RIMS1: variants seen among roughly 807,000 people sequenced by gnomAD.
The protein encoded by RIMS1 is regulating synaptic membrane exocytosis protein 1.
In RIMS1, 83 loss-of-function variants were observed where a neutral mutation model predicts 214.1. The observed-to-expected ratio is 0.39, with a 90% CI of 0.32 to 0.47. The LOEUF is 0.47. RIMS1 is among the 20% of genes least tolerant of loss of function. RIMS1 has a pLI of 0.99. For synonymous variants in RIMS1, 793 were observed against 786.8 expected (o/e 1.01, Z -0.13); for missense variants, 2,050 against 2,161.8 (o/e 0.95, Z 1.03).
chr6:72,374,762 C>T (rs939127807), intron 29 of RIMS1, among the ~76,000 whole-genome samples: 13 of 152,082 alleles, frequency 8.5e-5, no homozygotes, highest in Non-Finnish European at 1.6e-4. Flanking sequence ...TTATTATGCC[C>T]TTTATTTCTA....
At position 72,265,430 on chromosome 6, in the gene RIMS1, A is replaced by G. The variant is rs1439060096; in HGVS notation, c.3235A>G (p.Arg1079Gly). 6.2e-7 allele frequency: 1 copy of G among 1,610,168 alleles called. No individual in the cohort carries two copies. Among genetic ancestry groups the G allele is most frequent in the African/African-American group, 1.3e-5 (1 of 74,808 alleles). The stretch of plus-strand genomic sequence containing the variant: ...ACATACTAAGACCAAATCAGTGACT[A>G]GACAGGACATTTCCCTTCATCATGA... ...PAHTKTKSVT[R>G]QDISLHHECF... The change falls in exon 21 of 34, where the codon AGA becomes GGA. Residue 1079 changes from arginine (R) to glycine (G), a missense_variant. By Grantham distance (125) the Arg-to-Gly change is moderately radical. Transcript: ENST00000521978.
intron 2 of RIMS1, among the ~76,000 whole-genome samples, chr6:71,991,302 C>A: frequency 6.6e-6 from 1 of 151,666 alleles, no homozygotes; most frequent in East Asian, 1.9e-4. Context: ...CATTTTATGT[C>A]GATTTCCCCA....
At chr6:72,094,007 C>T (rs890994923) in intron 2 of RIMS1, among the ~76,000 whole-genome samples, 3 of 152,100 alleles carry the variant, frequency 2.0e-5, no homozygotes, top group Non-Finnish European at 2.9e-5. Context: ...CCAGCTCAAA[C>T]GTACATTAAA....
intron 1 of RIMS1, among the ~76,000 whole-genome samples, chr6:71,953,924 A>G (rs1266956500): frequency 6.6e-6 from 1 of 152,154 alleles, no homozygotes; most frequent in Non-Finnish European, 1.5e-5. Flanking sequence ...GTTGCTTTTT[A>G]CCTTTAGGGT....
chr6:72,227,107 C>T (rs761057049), intron 6 of RIMS1, among the ~76,000 whole-genome samples: 2 of 151,966 alleles, frequency 1.3e-5, no homozygotes, highest in South Asian at 2.1e-4. Flanking sequence ...ACTGCATAAT[C>T]GCTGATTTTA....
intron 26 of RIMS1, among the ~76,000 whole-genome samples, chr6:72,296,732 T>C (rs1192008676): frequency 6.6e-6 from 1 of 151,940 alleles, no homozygotes; most frequent in African/African-American, 2.4e-5. Flanking sequence ...ATTTTCTCAA[T>C]ATTTGAAAGT....
chr6:71,970,522 A>T (rs1199315939), intron 2 of RIMS1, among the ~76,000 whole-genome samples: 4 of 152,216 alleles, frequency 2.6e-5, no homozygotes, highest in Admixed American at 6.5e-5. Flanking sequence ...ACACATTATT[A>T]GATATGAACT....
chr6:72,218,657 G>A (rs1376366111), intron 6 of RIMS1, among the ~76,000 whole-genome samples: 1 of 152,138 alleles, frequency 6.6e-6, no homozygotes, highest in Non-Finnish European at 1.5e-5. Flanking sequence ...TTCTGTTGAT[G>A]TTTATACTTG....
At chr6:71,980,086 A>G (rs1046569668) in intron 2 of RIMS1, among the ~76,000 whole-genome samples, 1 of 152,048 alleles carries the variant, frequency 6.6e-6, no homozygotes, top group Non-Finnish European at 1.5e-5. Context: ...CTGCTCTTCT[A>G]CAGAGTCATT....
chr6:72,106,765 A>G (rs1379799958), intron 4 of RIMS1, among the ~76,000 whole-genome samples: 2 of 152,184 alleles, frequency 1.3e-5, no homozygotes, highest in South Asian at 2.1e-4. Context: ...CCTAAAAAAT[A>G]TATCTTCTGA....
intron 2 of RIMS1, among the ~76,000 whole-genome samples, chr6:72,068,589 T>C (rs1206537696): frequency 1.3e-5 from 2 of 152,072 alleles, no homozygotes; most frequent in Non-Finnish European, 2.9e-5. Context: ...TGCAACAGTA[T>C]CATCAATGAT....
At chr6:72,240,221 T>A (rs562930110) in intron 9 of RIMS1, among the ~76,000 whole-genome samples, 2 of 152,284 alleles carry the variant, frequency 1.3e-5, no homozygotes, top group South Asian at 4.1e-4. Context: ...TAGGAATTAT[T>A]AATCTGTAAA....
chr6:72,386,736 T>C (rs1254192524), intron 29 of RIMS1, among the ~76,000 whole-genome samples: 3 of 146,908 alleles, frequency 2.0e-5, no homozygotes, highest in Non-Finnish European at 3.0e-5. Context: ...TCTTTCTTTT[T>C]TTTTTTTTTT....
At chr6:72,388,174 A>G (rs1182151198) in intron 29 of RIMS1, among the ~76,000 whole-genome samples, 1 of 152,268 alleles carries the variant, frequency 6.6e-6, no homozygotes, top group African/African-American at 2.4e-5. Context: ...TGCTGTGAAG[A>G]AAAATAAAGC....
chr6:71,977,034 T>G (rs923834354), intron 2 of RIMS1, among the ~76,000 whole-genome samples: 1 of 152,120 alleles, frequency 6.6e-6, no homozygotes, highest in African/African-American at 2.4e-5. Context: ...GGTCTAATGT[T>G]CACAACTCTG....
At chr6:72,289,156 G>A (rs2092915148) in intron 24 of RIMS1, among the ~76,000 whole-genome samples, 1 of 152,164 alleles carries the variant, frequency 6.6e-6, no homozygotes, top group African/African-American at 2.4e-5. Context: ...AATGGAGCAA[G>A]ATTTAAGTGA....
At chr6:72,072,260 A>G (rs1830742990) in intron 2 of RIMS1, among the ~76,000 whole-genome samples, 1 of 152,180 alleles carries the variant, frequency 6.6e-6, no homozygotes, top group Non-Finnish European at 1.5e-5. Flanking sequence ...AGCATTCACT[A>G]TTTGCAGAGT....
At chr6:72,271,286 A>AAATATATATATATATAT (rs1417580438) in intron 22 of RIMS1, among the ~76,000 whole-genome samples, 2 of 44,416 alleles carry the variant, frequency 4.5e-5, no homozygotes, top group African/African-American at 2.1e-4. Flanking sequence ...AAAAAAAAAA[A>AAATATATATATATATAT]ATATATATAT....
At chr6:71,983,453 TA>T (rs1799020323) in intron 2 of RIMS1, among the ~76,000 whole-genome samples, 3 of 152,132 alleles carry the variant, frequency 2.0e-5, no homozygotes, top group Admixed American at 2.0e-4. Context: ...GGGTTTTTTT[TA>T]TTATTGACAT....
Sources: allele counts gnomAD v4.1 joint callset (sites outside exome capture counted in the v4.1 genomes callset), GRCh38; gene constraint gnomAD v4.1.1; transcripts MANE v1.5; gene names NCBI Gene and HGNC (gene_info 2026-07-23, HGNC 2026-07-21).